Variants in ASXL3 observed in about 807,000 individuals in gnomAD.
ASXL3 encodes the protein ASXL transcriptional regulator 3, also known as putative Polycomb group protein ASXL3.
A neutral mutation model predicts 170.6 loss-of-function variants in ASXL3; 34 were observed. The observed-to-expected ratio is 0.20, with a 90% CI of 0.15 to 0.27. The LOEUF is 0.27. ASXL3 is among the 10% of genes least tolerant of loss of function. ASXL3 has a pLI of 1.00. For synonymous variants in ASXL3, 1,002 were observed against 989.1 expected (o/e 1.01, Z -0.24); for missense variants, 2,592 against 2,695.3 (o/e 0.96, Z 0.85).
At chr18:33,699,159 T>C (rs1203667106) in intron 8 of ASXL3, among the ~76,000 whole-genome samples, 2 of 152,024 alleles carry the variant, frequency 1.3e-5, no homozygotes, top group African/African-American at 4.8e-5. Context: ...TAAGAAAGAA[T>C]GACTCAAGAG....
chr18:33,645,438 G>T (rs547477815), intron 3 of ASXL3, among the ~76,000 whole-genome samples: 1 of 151,874 alleles, frequency 6.6e-6, no homozygotes, highest in African/African-American at 2.4e-5. Flanking sequence ...ATTAAATCTA[G>T]TATTCAATTT....
At chr18:33,635,501 A>G (rs2065750607) in intron 2 of ASXL3, among the ~76,000 whole-genome samples, 1 of 152,156 alleles carries the variant, frequency 6.6e-6, no homozygotes, top group African/African-American at 2.4e-5. Flanking sequence ...TTGTGTCTTT[A>G]TAGCTAATGT....
At chr18:33,672,464 A>G (rs1437534379) in intron 7 of ASXL3, among the ~76,000 whole-genome samples, 1 of 152,124 alleles carries the variant, frequency 6.6e-6, no homozygotes, top group Admixed American at 6.5e-5. Flanking sequence ...GGAACCCCCA[A>G]CAGCATTCAG....
chr18:33,582,302 GCTT>G (rs2065000368), intron 1 of ASXL3, among the ~76,000 whole-genome samples: 1 of 152,102 alleles, frequency 6.6e-6, no homozygotes, highest in Non-Finnish European at 1.5e-5. Context: ...CGATCTTCAT[GCTT>G]CTTTGTAAAA....
rs1372165886 is a variant in ASXL3 at position 33,746,099 on chromosome 18, T to G, written c.6251T>G (p.Leu2084Arg). The change falls in exon 12 of 12, where the codon CTT (leucine) becomes CGT (arginine). Residue 2084 changes from leucine (L) to arginine (R), a missense_variant. Leu to Arg is a moderately radical substitution (Grantham distance 102). Coordinates refer to ENST00000269197, the MANE Select transcript of ASXL3 (RefSeq NM_030632.3). ...TGTAGCAATATAAAATCGGAACCTC[T>G]TTCTTTTGAGGAAGGTTTAAGCAGC... ...GICSNIKSEPLSFEEGLSSSC... is the reference protein window; with the variant it reads ...GICSNIKSEPRSFEEGLSSSC... 1 of 1,613,668 alleles carries G rather than the reference T, an allele frequency of 6.2e-7. No homozygotes were observed. The highest frequency in any genetic ancestry group is 1.7e-5 in the Admixed American group (1 of 59,998).
rs369994676 is a variant in ASXL3 at position 33,743,010 on chromosome 18, C to T, written c.3162C>T (p.Leu1054=). 1.1e-4 allele frequency: 181 copies of T among 1,613,806 alleles called. No homozygotes were observed. The African/African-American group carries it at 1.3e-3, about 12-fold the overall frequency. Residue 1054 remains leucine (L), a synonymous_variant, in exon 12 of 12, where the codon CTC becomes CTT. Coordinates refer to ENST00000269197, the MANE Select transcript of ASXL3 (RefSeq NM_030632.3). ...GGAGGAACACAGGAGCCAGGACCCT[C>T]GCAGATATCAAGGCCCGGGCCCAAC... ...SGGRNTGART[L]ADIKARAQQA...
intron 4 of ASXL3, among the ~76,000 whole-genome samples, chr18:33,654,146 C>A (rs906189172): frequency 6.6e-6 from 1 of 151,946 alleles, no homozygotes; most frequent in Non-Finnish European, 1.5e-5. Context: ...CATCTCTCTT[C>A]TTGAATTGTG....
Position 33,746,873 on chromosome 18 carries a change from TTTG to T in ASXL3, c.*281_*283del. ...TGTGTATACAAGTCAATGCCCCATTTTTGTTTTTCTTTTAACCGAGGTGTAGAT... is the reference window on the plus strand; with the variant it reads ...TGTGTATACAAGTCAATGCCCCATTTTTTTTCTTTTAACCGAGGTGTAGAT... On this transcript the variant is annotated 3_prime_UTR_variant, in exon 12 of 12. Transcript: ENST00000269197. The T allele has an allele frequency of 2.9e-6, 1 of 347,788 alleles. No individual in the cohort carries two copies. The highest frequency in any genetic ancestry group is 5.0e-6 in the Non-Finnish European group (1 of 199,494). The allele number at this position is 347,788 out of a possible 1,614,324, so 21.5% of individuals were successfully genotyped here.
intron 8 of ASXL3, among the ~76,000 whole-genome samples, chr18:33,701,663 T>G (rs2066876398): frequency 2.0e-5 from 3 of 152,110 alleles, no homozygotes; most frequent in Non-Finnish European, 4.4e-5. Context: ...TTTCAGAATT[T>G]TATCCTTGGC....
chr18:33,727,480 T>C (rs1158309507), intron 8 of ASXL3, among the ~76,000 whole-genome samples: 3 of 152,174 alleles, frequency 2.0e-5, no homozygotes, highest in Non-Finnish European at 4.4e-5. Context: ...ACAAATGATA[T>C]ACTTACCAAG....
intron 2 of ASXL3, among the ~76,000 whole-genome samples, chr18:33,616,976 AAAGAC>A (rs1279273182): frequency 5.9e-5 from 9 of 152,174 alleles, no homozygotes; most frequent in Non-Finnish European, 1.0e-4. Context: ...TTGAAAGTAC[AAAGAC>A]ATTCAGTCCA....
chr18:33,683,644 T>C, intron 8 of ASXL3, 76 bp downstream of exon 8: 1 of 1,382,916 alleles, frequency 7.2e-7, no homozygotes. Context: ...TTATCAAAGA[T>C]GACTTATATA....
At chr18:33,713,233 T>TTTTTG (rs1195375418) in intron 8 of ASXL3, among the ~76,000 whole-genome samples, 888 of 74,804 alleles carry the variant, frequency 0.012, 20 homozygotes, top group South Asian at 0.052. Flanking sequence ...AAGAAGGTTT[T>TTTTTG]TTTTGTTTTG....
intron 4 of ASXL3, among the ~76,000 whole-genome samples, chr18:33,649,941 G>A (rs936582005): frequency 1.3e-5 from 2 of 152,048 alleles, no homozygotes; most frequent in Non-Finnish European, 2.9e-5. Flanking sequence ...GAGTGCTTAG[G>A]CCATGTGTGC....
chr18:33,649,892 G>T (rs1378775335), intron 4 of ASXL3, among the ~76,000 whole-genome samples: 2 of 152,042 alleles, frequency 1.3e-5, no homozygotes, highest in Non-Finnish European at 2.9e-5. Flanking sequence ...TATTTTCAGA[G>T]CTGATAAGAA....
intron 2 of ASXL3, among the ~76,000 whole-genome samples, chr18:33,633,149 A>G (rs1422887867): frequency 6.6e-6 from 1 of 152,210 alleles, no homozygotes; most frequent in Non-Finnish European, 1.5e-5. Flanking sequence ...ACTATCCGTC[A>G]TTAACTAGTT....
intron 8 of ASXL3, among the ~76,000 whole-genome samples, chr18:33,723,556 T>C (rs1014350189): frequency 7.2e-5 from 11 of 152,174 alleles, no homozygotes; most frequent in Non-Finnish European, 1.5e-4. Context: ...TTGCTTCTTA[T>C]GTGCAAAGAA....
intron 8 of ASXL3, among the ~76,000 whole-genome samples, chr18:33,687,919 G>A (rs1268016202): frequency 6.6e-6 from 1 of 152,014 alleles, no homozygotes. Context: ...TTGGTCCTAG[G>A]TCTCAGTTAT....
chr18:33,743,848 G>A lies in ASXL3; in HGVS notation c.4000G>A (p.Val1334Ile), dbSNP rs2145426303. The change falls in exon 12 of 12, where the codon GTC becomes ATC. Residue 1334 changes from valine (V) to isoleucine (I), a missense_variant. Val to Ile is a conservative substitution (Grantham distance 29). Around this residue, in one of 4 missense-constraint regions of ASXL3, gnomAD observed 2,246 missense variants for 2,219.6 expected, o/e 1.01. Transcript: ENST00000269197. ...ATCAAGCAGCAGTGCTAGTAACTTA[G>A]TCTCCACTCAGTACACCTCTGTGCC... ...LISSSSASNL[V>I]STQYTSVPTP... The A allele has an allele frequency of 3.1e-6, 5 of 1,614,034 alleles. No homozygotes were observed. In the East Asian group the frequency reaches 1.1e-4, roughly 36 times the overall value.
Sources: allele counts gnomAD v4.1 joint callset (sites outside exome capture counted in the v4.1 genomes callset), GRCh38; gene constraint gnomAD v4.1.1; regional missense constraint gnomAD v4.1.1; transcripts MANE v1.5; gene names NCBI Gene and HGNC (gene_info 2026-07-23, HGNC 2026-07-21).